Variants in FHDC1 observed in about 807,000 individuals in gnomAD.
The protein encoded by FHDC1 is FH2 domain containing 1.
A neutral mutation model predicts 52.6 loss-of-function variants in FHDC1; 25 were observed. The ratio of observed to expected loss-of-function variants is 0.48; its 90% CI spans 0.35 to 0.66. FHDC1 has a LOEUF of 0.66. FHDC1 is among the 30% of genes least tolerant of loss of function. FHDC1 has a pLI of 0.01. For missense variants in FHDC1, 1,459 were observed against 1,452.8 expected, an observed-to-expected ratio of 1.00 and a Z score of -0.07; for synonymous variants, 616 against 581.5, an observed-to-expected ratio of 1.06 and a Z score of -0.85.
upstream of FHDC1, among the ~76,000 whole-genome samples, chr4:152,933,051 G>T (rs1435609081): frequency 1.3e-5 from 2 of 152,230 alleles, no homozygotes; most frequent in African/African-American, 4.8e-5. Flanking sequence ...ACCAGTGCCT[G>T]GTACAGACCC....
In FHDC1 at chr4:152,943,512, G is replaced by C; in HGVS notation, c.455G>C (p.Arg152Thr). The C allele has an allele frequency of 3.7e-6, 6 of 1,613,858 alleles. No individual in the cohort carries two copies. The highest frequency in any genetic ancestry group is 5.1e-6 in the Non-Finnish European group (6 of 1,179,896). ...EDTTKSSLPR[R>T]GRTLNSSFRE... ...ACCACCAAGTCTTCCCTTCCTAGGA[G>C]AGGAAGAACTTTAAATTCATCCTTC... is the stretch of plus-strand genomic sequence containing the variant. Residue 152 changes from arginine (R) to threonine (T), a missense_variant, in exon 2 of 12, where the codon AGA (arginine) becomes ACA (threonine). Transcript: ENST00000511601.
rs532929055 is a variant in FHDC1, at chr4:152,962,990, CA to C, written c.922-32del. The C allele has an allele frequency of 2.0e-3, 2,236 of 1,121,038 alleles. 11 individuals are homozygous for C. Among genetic ancestry groups the C allele is most frequent in the South Asian group, 8.2e-3 (620 of 75,724 alleles). 69.4% of individuals were successfully genotyped at this position (1,121,038 alleles called of 1,614,324 possible). Reference sequence around the variant, plus strand: ...GTGTGTGTGTGTGTGTGTATGTATACATAATTTTTTCTTTTTGATTTGTCTT... The same window carrying C: ...GTGTGTGTGTGTGTGTGTATGTATACTAATTTTTTCTTTTTGATTTGTCTT... On this transcript the variant is annotated intron_variant, in intron 7 of 11. Coordinates refer to ENST00000511601, the MANE Select transcript of FHDC1 (RefSeq NM_001371116.1).
chr4:152,954,826 A>T (rs1740035318), intron 4 of FHDC1, among the ~76,000 whole-genome samples: 1 of 152,244 alleles, frequency 6.6e-6, no homozygotes, highest in South Asian at 2.1e-4. Context: ...CAGAGAATCT[A>T]GATTCAGATT....
chr4:152,943,650 A>G (rs1739644699), intron 2 of FHDC1, 95 bp downstream of exon 2: 1 of 1,385,304 alleles, frequency 7.2e-7, no homozygotes, highest in Non-Finnish European at 9.8e-7. Flanking sequence ...AGACACCCCT[A>G]AGAAATGAGA....
intron 4 of FHDC1, among the ~76,000 whole-genome samples, chr4:152,959,583 T>G (rs1297318628): frequency 1.3e-5 from 2 of 152,190 alleles, no homozygotes; most frequent in African/African-American, 2.4e-5. Flanking sequence ...TGGGGCTTTT[T>G]GGGGGAGGGG....
At chr4:152,917,446 C>T in the FHDC1 span, among the ~76,000 whole-genome samples, 1 of 152,156 alleles carries the variant, frequency 6.6e-6, no homozygotes, top group African/African-American at 2.4e-5. Context: ...AATTGCTTAA[C>T]TCTTTAAAGC....
intron 2 of FHDC1, among the ~76,000 whole-genome samples, chr4:152,952,759 T>A (rs1739966175): frequency 6.6e-6 from 1 of 152,204 alleles, no homozygotes; most frequent in Non-Finnish European, 1.5e-5. Flanking sequence ...TACTAAAGGA[T>A]GACTGACTTT....
intron 1 of FHDC1, among the ~76,000 whole-genome samples, chr4:152,938,666 AGCATGTGG>A: frequency 6.6e-6 from 1 of 152,198 alleles, no homozygotes; most frequent in East Asian, 1.9e-4. Flanking sequence ...TGTCATCAGA[AGCATGTGG>A]GCCAGCCCTT....
At chr4:152,921,584 TCCTCCCTC>T in the FHDC1 span, among the ~76,000 whole-genome samples, 3,850 of 133,252 alleles carry the variant, frequency 0.029, 98 homozygotes, top group African/African-American at 0.065. Flanking sequence ...CTTCCTTCCT[TCCTCCCTC>T]CCTCCCTCCC....
the FHDC1 span, among the ~76,000 whole-genome samples, chr4:152,918,962 G>C: frequency 6.6e-6 from 1 of 152,234 alleles, no homozygotes; most frequent in South Asian, 2.1e-4. Flanking sequence ...AAGAGGATCA[G>C]GCTTCAAAGA....
rs141865298 is a variant in FHDC1 at position 152,975,467 on chromosome 4, C to G, written c.2176C>G (p.Pro726Ala). The change falls in exon 12 of 12, where the codon CCC becomes GCC. Residue 726 changes from proline (P) to alanine (A), a missense_variant. This residue lies in a region of FHDC1 where 939 missense variants were observed against 854.5 expected (regional missense o/e 1.10). Transcript: ENST00000511601. ...CAGTGCCAGCAGCAGCAGCCTGACACCCATGGGCAGAGATGCCCTGGGGAG... is the reference window on the plus strand; with the variant it reads ...CAGTGCCAGCAGCAGCAGCCTGACAGCCATGGGCAGAGATGCCCTGGGGAG... ...SLSASSSSLT[P>A]MGRDALGSLS... 6.0e-4 allele frequency: 973 copies of G among 1,613,382 alleles called. 3 individuals are homozygous for G. Among genetic ancestry groups the G allele is most frequent in the South Asian group, 7.5e-4 (68 of 91,084 alleles).
At chr4:152,949,090 GTAATAATAATAA>G (rs368429472) in intron 2 of FHDC1, among the ~76,000 whole-genome samples, 152 of 117,544 alleles carry the variant, frequency 1.3e-3, no homozygotes, top group African/African-American at 3.3e-3. Context: ...CCTTGTCTCA[GTAATAATAATAA>G]TAATAATAAT....
At chr4:152,922,988 G>C in the FHDC1 span, among the ~76,000 whole-genome samples, 4 of 151,046 alleles carry the variant, frequency 2.6e-5, no homozygotes, top group Non-Finnish European at 5.9e-5. Context: ...ATTCAACATA[G>C]TGTTGGAAGT....
Position 152,972,373 on chromosome 4 carries a change from G to T in FHDC1, c.1219-4G>T, listed in dbSNP as rs968097689. ...TCAGTGTGTGTTCGTTTGTTTTTCC[G>T]CAGTTTGCCATAGAAAAGCTGAGGG... On this transcript the variant is annotated splice_polypyrimidine_tract_variant and splice_region_variant and intron_variant, in intron 10 of 11. Transcript: ENST00000511601. 2 of 1,593,100 alleles carry T rather than the reference G, an allele frequency of 1.3e-6. No homozygotes were observed. The highest frequency in any genetic ancestry group is 3.7e-5 in the Admixed American group (2 of 53,882).
At chr4:152,967,652 G>A (rs1315179526) in intron 9 of FHDC1, among the ~76,000 whole-genome samples, 3 of 152,146 alleles carry the variant, frequency 2.0e-5, no homozygotes, top group African/African-American at 4.8e-5. Context: ...CCCGGAAGCC[G>A]CTGGCATTTA....
At chr4:152,962,961 G>A in intron 7 of FHDC1, 62 bp from the exon 8 acceptor site, 5 of 1,477,284 alleles carry the variant, frequency 3.4e-6, no homozygotes, top group Non-Finnish European at 4.7e-6. Flanking sequence ...GTGTGTGTGT[G>A]TGTGTGTGTG....
chr4:152,943,627 T>C, intron 2 of FHDC1, 72 bp downstream of exon 2: 2 of 1,486,246 alleles, frequency 1.3e-6, no homozygotes, highest in South Asian at 1.3e-5. Flanking sequence ...TGTGTACATT[T>C]CAAATAATTG....
Position 152,943,226 on chromosome 4 carries a change from T to TCCCCCCCCCCCCCCC in FHDC1, c.173_174insCCCCCCCCCCCCCCC (p.Pro61_Pro65dup). ...ATGTTCAAGGGAAGAGTGTCCTTCCTCCCCTCCTCCACCCCCACCACCTCC... is the reference window on the plus strand; with the variant it reads ...ATGTTCAAGGGAAGAGTGTCCTTCCTCCCCCCCCCCCCCCCCCCCTCCTCCACCCCCACCACCTCC... On this transcript the variant is annotated inframe_insertion, in exon 2 of 12. Coordinates refer to ENST00000511601, the MANE Select transcript of FHDC1 (RefSeq NM_001371116.1). The TCCCCCCCCCCCCCCC allele has an allele frequency of 1.2e-6, 2 of 1,603,512 alleles. No homozygotes were observed. Among genetic ancestry groups the TCCCCCCCCCCCCCCC allele is most frequent in the South Asian group, 1.1e-5 (1 of 90,018 alleles).
rs1235402082 is a variant in FHDC1 at position 152,960,861 on chromosome 4, TC to T, written c.850+19del. The T allele has an allele frequency of 6.6e-7, 1 of 1,523,686 alleles. No individual in the cohort carries two copies. The highest frequency in any genetic ancestry group is 2.3e-5 in the East Asian group (1 of 43,618). The allele number at this position is 1,523,686 out of a possible 1,614,324, so 94.4% of individuals were successfully genotyped here. ...CTATAAAAGGTGAGTCAACATATGATCCTTCGCAGAATTTGTTTTTATTAAT... is the reference window on the plus strand; with the variant it reads ...CTATAAAAGGTGAGTCAACATATGATCTTCGCAGAATTTGTTTTTATTAAT... On this transcript the variant is annotated intron_variant, in intron 6 of 11. Transcript: ENST00000511601.
Sources: allele counts gnomAD v4.1 joint callset (sites outside exome capture counted in the v4.1 genomes callset), GRCh38; gene constraint gnomAD v4.1.1; regional missense constraint gnomAD v4.1.1; transcripts MANE v1.5; gene names NCBI Gene and HGNC (gene_info 2026-07-23, HGNC 2026-07-21).